The following MAML3 variants were observed in gnomAD, a reference collection of about 807,000 sequenced individuals.
MAML3 encodes mastermind like transcriptional coactivator 3.
MAML3 carries 27 observed loss-of-function variants against 101.9 expected under a neutral mutation model. The observed-to-expected ratio is 0.27, with a 90% CI of 0.20 to 0.37. MAML3 has a LOEUF of 0.37. Ranked by LOEUF, MAML3 falls within the 10% of genes least tolerant of loss-of-function variation. MAML3 has a pLI of 1.00. For synonymous variants in MAML3, 501 were observed against 555.9 expected (o/e 0.90, Z 1.39); for missense variants, 1,316 against 1,444.9 (o/e 0.91, Z 1.45).
chr4:139,975,509 C>A (rs1027251692), intron 1 of MAML3, among the ~76,000 whole-genome samples: 2 of 152,174 alleles, frequency 1.3e-5, no homozygotes, highest in African/African-American at 4.8e-5. Context: ...TTTTTCATTA[C>A]ATCTACCATA....
intron 1 of MAML3, among the ~76,000 whole-genome samples, chr4:139,912,637 CATCTT>C (rs1463159456): frequency 6.6e-6 from 1 of 152,138 alleles, no homozygotes; most frequent in Non-Finnish European, 1.5e-5. Flanking sequence ...CAGCTGGTAT[CATCTT>C]ATAAGACGAC....
chr4:140,118,164 G>T (rs1445542330), intron 1 of MAML3, among the ~76,000 whole-genome samples: 100 of 141,652 alleles, frequency 7.1e-4, no homozygotes, highest in Middle Eastern at 3.8e-3. Flanking sequence ...TTGTGGGTTT[G>T]TTTTTTTTTT....
chr4:139,868,990 T>A (rs1271069225), intron 2 of MAML3, among the ~76,000 whole-genome samples: 1 of 152,236 alleles, frequency 6.6e-6, no homozygotes, highest in African/African-American at 2.4e-5. Context: ...GCTGTTGACG[T>A]TTAATTGCTA....
intron 1 of MAML3, among the ~76,000 whole-genome samples, chr4:140,129,192 G>A (rs780879677): frequency 2.4e-4 from 36 of 152,156 alleles, no homozygotes; most frequent in Non-Finnish European, 4.3e-4. Context: ...ATTTAAAAGT[G>A]TCTCACACTC....
intron 1 of MAML3, among the ~76,000 whole-genome samples, chr4:139,991,132 C>T (rs1382455573): frequency 9.2e-5 from 14 of 152,148 alleles, no homozygotes; most frequent in African/African-American, 1.2e-4. Flanking sequence ...GGAGGTATCA[C>T]GCTACCTGAC....
chr4:140,046,598 C>T (rs951096007), intron 1 of MAML3, among the ~76,000 whole-genome samples: 2 of 152,118 alleles, frequency 1.3e-5, no homozygotes, highest in African/African-American at 2.4e-5. Flanking sequence ...CGTTACGTAA[C>T]AATTCAACAG....
At position 139,725,733 on chromosome 4, in the gene MAML3, A is replaced by C; in HGVS notation, c.2416+18T>G. Reference sequence around the variant, plus strand: ...ACCACTGGAAGGTATAAAATGAGAGAGGTTGCACTGGCCTCACCTTGAAAC... The same window carrying C: ...ACCACTGGAAGGTATAAAATGAGAGCGGTTGCACTGGCCTCACCTTGAAAC... On this transcript the variant is annotated intron_variant, in intron 4 of 4. Transcript: ENST00000509479. 6.2e-7 allele frequency: 1 copy of C among 1,611,746 alleles called. No homozygotes were observed. Among genetic ancestry groups the C allele is most frequent in the Non-Finnish European group, 8.5e-7 (1 of 1,177,916 alleles).
chr4:139,870,498 T>C (rs1189052990), intron 2 of MAML3, among the ~76,000 whole-genome samples: 1 of 152,178 alleles, frequency 6.6e-6, no homozygotes, highest in African/African-American at 2.4e-5. Context: ...AAATGAAAAA[T>C]TGCTTTTTAA....
intron 1 of MAML3, among the ~76,000 whole-genome samples, chr4:139,953,280 T>G (rs751442734): frequency 3.3e-5 from 5 of 152,208 alleles, no homozygotes; most frequent in Non-Finnish European, 7.3e-5. Flanking sequence ...GTATTTTGTT[T>G]TTAGCCTTTT....
intron 2 of MAML3, among the ~76,000 whole-genome samples, chr4:139,853,510 C>A (rs549659729): frequency 4.0e-4 from 61 of 152,122 alleles, no homozygotes; most frequent in African/African-American, 1.4e-3. Flanking sequence ...ACCTAGGGGA[C>A]ATTCTTTAGA....
chr4:139,987,743 G>A (rs1162971143), intron 1 of MAML3, among the ~76,000 whole-genome samples: 1 of 152,034 alleles, frequency 6.6e-6, no homozygotes, highest in Non-Finnish European at 1.5e-5. Context: ...ACTGTGGCTG[G>A]GCCCCGTGGC....
At chr4:139,775,581 C>T (rs965435823) in intron 2 of MAML3, among the ~76,000 whole-genome samples, 39 of 152,106 alleles carry the variant, frequency 2.6e-4, no homozygotes, top group Non-Finnish European at 1.8e-4. Flanking sequence ...CCAGGTTAAA[C>T]CATGAGCTGT....
intron 2 of MAML3, among the ~76,000 whole-genome samples, chr4:139,832,319 C>G (rs1731182701): frequency 6.7e-6 from 1 of 149,904 alleles, no homozygotes; most frequent in Non-Finnish European, 1.5e-5. Context: ...GCGATGTTGC[C>G]TAGGCTGGTC....
intron 2 of MAML3, among the ~76,000 whole-genome samples, chr4:139,781,239 A>G (rs998574579): frequency 6.6e-6 from 1 of 152,176 alleles, no homozygotes; most frequent in Non-Finnish European, 1.5e-5. Flanking sequence ...ATGAAGCAAT[A>G]TAACCCACCC....
rs1560818358 is a variant in MAML3 at position 139,865,485 on chromosome 4, G to GTTTTTTTTTGT, written c.2079+23871_2079+23872insACAAAAAAAAA. Among the ~76,000 whole-genome samples, 12 of 90,106 alleles carry GTTTTTTTTTGT rather than the reference G, an allele frequency of 1.3e-4. 2 individuals carry two copies. The highest frequency in any genetic ancestry group is 6.7e-4 in the African/African-American group (9 of 13,404). The allele number at this position is 90,106 out of a possible 152,430, so 59.1% of individuals were successfully genotyped here. A position where few individuals can be genotyped will look rare whatever the true frequency, so the allele number is the denominator to read the frequency against. On this transcript the variant is annotated intron_variant, in intron 2 of 4. Coordinates refer to ENST00000509479, the MANE Select transcript of MAML3 (RefSeq NM_018717.5). ...CAGAGCCCTTTGACCTCTGTAAAAG[G>GTTTTTTTTTGT]TTTTTTTTTTGTTTTTTTTTTTTTT... is the stretch of plus-strand genomic sequence containing the variant.
chr4:139,747,512 G>A (rs1729364884), intron 2 of MAML3, among the ~76,000 whole-genome samples: 2 of 151,868 alleles, frequency 1.3e-5, no homozygotes, highest in South Asian at 4.2e-4. Flanking sequence ...TGGCCAACAT[G>A]GTGAAACCCC....
intron 1 of MAML3, among the ~76,000 whole-genome samples, chr4:140,145,073 A>T (rs1320466649): frequency 6.6e-6 from 1 of 152,234 alleles, no homozygotes; most frequent in Non-Finnish European, 1.5e-5. Flanking sequence ...TTGAATCTAC[A>T]CAAATAGACT....
chr4:139,828,903 G>A (rs774274913), intron 2 of MAML3, among the ~76,000 whole-genome samples: 1 of 151,798 alleles, frequency 6.6e-6, no homozygotes, highest in Non-Finnish European at 1.5e-5. Context: ...AGCCCAGGAG[G>A]TGGAGGTTGT....
At chr4:139,781,434 T>C (rs1048809677) in intron 2 of MAML3, among the ~76,000 whole-genome samples, 1 of 151,632 alleles carries the variant, frequency 6.6e-6, no homozygotes, top group Non-Finnish European at 1.5e-5. Context: ...AAAAGTTTGG[T>C]AAATCTCAAA....
Sources: gnomAD v4.1 joint callset for allele counts (sites outside exome capture counted in the v4.1 genomes callset) on GRCh38, gnomAD v4.1.1 for gene constraint, MANE v1.5 for transcripts, NCBI Gene and HGNC (gene_info 2026-07-23, HGNC 2026-07-21) for gene names.